AFMID: variants seen among roughly 807,000 people sequenced by gnomAD.
AFMID encodes the protein kynurenine formamidase.
In AFMID, 39 loss-of-function variants were observed where a neutral mutation model predicts 47.5. That is an observed-to-expected ratio of 0.82 (90% CI 0.64 to 1.07). AFMID has a LOEUF of 1.07. Ranked by LOEUF, AFMID falls within the 50% of genes least tolerant of loss-of-function variation. AFMID has a pLI of 0.00. For missense variants in AFMID, 375 were observed against 387.5 expected (o/e 0.97, Z 0.27); for synonymous variants, 130 against 153.2 (o/e 0.85, Z 1.12).
intron 2 of AFMID, among the ~76,000 whole-genome samples, chr17:78,193,523 G>T (rs2076031185): frequency 6.9e-6 from 1 of 145,646 alleles, no homozygotes; most frequent in East Asian, 2.0e-4. Flanking sequence ...ATGAATGAAA[G>T]AAAATTAAAA....
intron 1 of AFMID, among the ~76,000 whole-genome samples, chr17:78,190,366 A>G (rs935554166): frequency 1.3e-5 from 2 of 151,984 alleles, no homozygotes; most frequent in Admixed American, 6.6e-5. Context: ...TGTGGTCAGA[A>G]TCGCACCCTC....
intron 4 of AFMID, 131 bp from the exon 5 acceptor site, chr17:78,204,523 ACT>A (rs1444424992): frequency 2.4e-6 from 2 of 816,940 alleles, no homozygotes; most frequent in African/African-American, 1.7e-5. Context: ...TGTCCGCTTC[ACT>A]CTCTCACATG....
At position 78,190,985 on chromosome 17, in the gene AFMID, T is replaced by C. The variant is rs1049806047; in HGVS notation, c.79T>C (p.Tyr27His). 2.5e-6 allele frequency: 4 copies of C among 1,613,686 alleles called. No homozygotes were observed. The Admixed American group carries it at 5.0e-5, about 20-fold the overall frequency. Residue 27 changes from tyrosine (Y) to histidine (H), a missense_variant, in exon 2 of 11, where the codon TAC (tyrosine) becomes CAC (histidine). Transcript: ENST00000409257. The stretch of plus-strand genomic sequence containing the variant: ...TGCCCTGCAGGAGCTGGAGAATCAG[T>C]ACTGTCCCAGCCGATGGGTTGTCCG... ...KMSAEELENQYCPSRWVVRLG... is the reference protein window; with the variant it reads ...KMSAEELENQHCPSRWVVRLG...
Position 78,205,088 on chromosome 17 carries a change from C to G in AFMID, c.468-5C>G, listed in dbSNP as rs75052584. On this transcript the variant is annotated splice_region_variant and splice_polypyrimidine_tract_variant and intron_variant, in intron 6 of 10. Transcript: ENST00000409257. ...AATCCAGCTCTCTGCTCTGACCCCT[C>G]CCAGGGGAATTTACCTGTGTGGACA... 3 of 1,607,890 alleles carry G rather than the reference C, an allele frequency of 1.9e-6. No homozygotes were observed. In the East Asian group the frequency reaches 6.7e-5, roughly 36 times the overall value.
chr17:78,187,489 AG>A, intron 1 of AFMID, 56 bp downstream of exon 1: 2 of 1,600,724 alleles, frequency 1.2e-6, no homozygotes, highest in Non-Finnish European at 1.7e-6. Flanking sequence ...CTCATTTATT[AG>A]ATTGGAATTC....
At chr17:78,200,476 T>C (rs1184478978) in intron 2 of AFMID, among the ~76,000 whole-genome samples, 1 of 152,188 alleles carries the variant, frequency 6.6e-6, no homozygotes, top group Non-Finnish European at 1.5e-5. Context: ...ACCATCTTTG[T>C]AGGTGTTATT....
In AFMID at chr17:78,205,756, T is replaced by C; in HGVS notation, c.780+18T>C. On this transcript the variant is annotated intron_variant, in intron 9 of 10. Transcript: ENST00000409257. The stretch of plus-strand genomic sequence containing the variant: ...TTTACCAGGTACTCCCAGTGCAGGT[T>C]TGTGGCCAGAGGTCGAGGGTCATGT... The C allele has an allele frequency of 1.2e-6, 2 of 1,607,690 alleles. No individual in the cohort carries two copies. The highest frequency in any genetic ancestry group is 1.1e-5 in the South Asian group (1 of 91,084).
At chr17:78,195,962 C>T (rs976558763) in intron 2 of AFMID, among the ~76,000 whole-genome samples, 1 of 152,144 alleles carries the variant, frequency 6.6e-6, no homozygotes, top group African/African-American at 2.4e-5. Flanking sequence ...TCTCCTGCCT[C>T]AGCCACCCAA....
intron 2 of AFMID, among the ~76,000 whole-genome samples, chr17:78,193,438 G>C (rs1432728439): frequency 2.0e-5 from 3 of 148,148 alleles, no homozygotes; most frequent in Admixed American, 1.3e-4. Context: ...ATTGTCTTGA[G>C]TGATAAAAAG....
At chr17:78,198,178 G>A (rs773067997) in intron 2 of AFMID, among the ~76,000 whole-genome samples, 6 of 152,176 alleles carry the variant, frequency 3.9e-5, no homozygotes, top group Non-Finnish European at 7.3e-5. Context: ...GCAGTAAGCC[G>A]AGATTGCACC....
chr17:78,191,138 G>T, intron 2 of AFMID, 78 bp downstream of exon 2: 2 of 1,324,084 alleles, frequency 1.5e-6, no homozygotes, highest in Non-Finnish European at 2.1e-6. Flanking sequence ...GGGGGTTGGG[G>T]GGGCTGTGCT....
chr17:78,206,695 C>CT (rs2076393620), intron 10 of AFMID, among the ~76,000 whole-genome samples: 1 of 151,464 alleles, frequency 6.6e-6, no homozygotes, highest in Admixed American at 6.6e-5. Flanking sequence ...CCCCTACCCC[C>CT]CCTTCTTCTT....
chr17:78,204,490 T>C (rs142239874), intron 4 of AFMID, among the ~76,000 whole-genome samples, 166 bp from the exon 5 acceptor site: 2 of 152,262 alleles, frequency 1.3e-5, no homozygotes, highest in Non-Finnish European at 2.9e-5. Context: ...GTAGCTAGCA[T>C]GTGATGTGGC....
chr17:78,207,137 G>A lies in AFMID; in HGVS notation c.*200G>A, dbSNP rs1308174466. On this transcript the variant is annotated 3_prime_UTR_variant, in exon 11 of 11. Coordinates refer to ENST00000409257, the MANE Select transcript of AFMID (RefSeq NM_001010982.5). The stretch of plus-strand genomic sequence containing the variant: ...CCACGTCCTCCCTCTTCCCAGCCTG[G>A]ATGGAGCTCCAGGGCTGGGGAACGT... 2 of 639,036 alleles carry A rather than the reference G, an allele frequency of 3.1e-6. No homozygotes were observed. The highest frequency in any genetic ancestry group is 5.5e-5 in the Admixed American group (2 of 36,116). 39.6% of individuals were successfully genotyped at this position (639,036 alleles called of 1,614,324 possible). A position where few individuals can be genotyped will look rare whatever the true frequency, so the allele number is the denominator to read the frequency against.
intron 2 of AFMID, among the ~76,000 whole-genome samples, chr17:78,192,467 A>G (rs2075997541): frequency 1.3e-5 from 2 of 151,556 alleles, no homozygotes; most frequent in Admixed American, 1.3e-4. Context: ...GGCCTGTGCC[A>G]CCAAGCCCAG....
At chr17:78,192,211 A>G (rs111582188) in intron 2 of AFMID, among the ~76,000 whole-genome samples, 43,358 of 142,516 alleles carry the variant, frequency 0.3, 6,396 homozygotes, top group African/African-American at 0.35. Context: ...TGGTTTCTCC[A>G]TGTTGGTCAG....
In AFMID at chr17:78,205,478, A is replaced by G. The variant is rs148324413; in HGVS notation, c.604A>G (p.Ile202Val). Residue 202 changes from isoleucine to valine, a missense_variant, in exon 8 of 11, where the codon ATC (isoleucine) becomes GTC (valine). By Grantham distance (29) the Ile-to-Val change is conservative. Coordinates refer to ENST00000409257, the MANE Select transcript of AFMID (RefSeq NM_001010982.5). ...LVSGVFDLEP[I>V]VYTSQNVALQ... ...GAGTGGGGTCTTTGACCTGGAGCCC[A>G]TCGTGTATACTTCACAGAACGTTGC... 5 of 1,614,150 alleles carry G rather than the reference A, an allele frequency of 3.1e-6. No individual in the cohort carries two copies. The highest frequency in any genetic ancestry group is 1.7e-5 in the Admixed American group (1 of 59,998).
intron 4 of AFMID, 55 bp downstream of exon 4, chr17:78,202,806 G>A: frequency 6.5e-7 from 1 of 1,546,716 alleles, no homozygotes; most frequent in South Asian, 1.2e-5. Flanking sequence ...TTTCCCTGGG[G>A]GACTCCTCCT....
intron 2 of AFMID, among the ~76,000 whole-genome samples, chr17:78,197,836 G>A (rs779991347): frequency 2.6e-5 from 4 of 152,116 alleles, no homozygotes; most frequent in Non-Finnish European, 5.9e-5. Context: ...GTTTGAGAAA[G>A]AGAGGGGGCC....
Sources: gnomAD v4.1 joint callset for allele counts (sites outside exome capture counted in the v4.1 genomes callset) on GRCh38, gnomAD v4.1.1 for gene constraint, MANE v1.5 for transcripts, NCBI Gene and HGNC (gene_info 2026-07-23, HGNC 2026-07-21) for gene names.